The following KCNQ1OT1 variants were observed in gnomAD, a reference collection of about 807,000 sequenced individuals.
The protein encoded by KCNQ1OT1 is KCNQ1 opposite strand/antisense transcript 1.
At position 2,674,409 on chromosome 11, in the gene KCNQ1OT1, GCGCCCGCGCGCACA is replaced by G; in HGVS notation, n.25572_25585del. Reference sequence around the variant, plus strand: ...GGTGCATGCGTGCGTGTGTGTGTGCGCGCCCGCGCGCACACGACCACAGAGGCTGGGGGGAGGCA... The same window carrying G: ...GGTGCATGCGTGCGTGTGTGTGTGCGCGACCACAGAGGCTGGGGGGAGGCA... On this transcript the variant is annotated non_coding_transcript_exon_variant, in exon 1 of 1. Transcript: ENST00000597346. This position sits in a 1 kb window ranked among gnomAD's most constrained non-coding sequence, Gnocchi z 5.9. 1 of 307,970 alleles carries G rather than the reference GCGCCCGCGCGCACA, an allele frequency of 3.2e-6. No individual in the cohort carries two copies. Among genetic ancestry groups the G allele is most frequent in the East Asian group, 4.8e-5 (1 of 20,902 alleles). 19.1% of individuals were successfully genotyped at this position (307,970 alleles called of 1,614,324 possible). A position where few individuals can be genotyped will look rare whatever the true frequency, so the allele number is the denominator to read the frequency against.
At position 2,627,539 on chromosome 11, in the gene KCNQ1OT1, G is replaced by C; in HGVS notation, n.72456C>G. 1 of 398,338 alleles carries C rather than the reference G, an allele frequency of 2.5e-6. No individual in the cohort carries two copies. The highest frequency in any genetic ancestry group is 4.4e-6 in the Non-Finnish European group (1 of 226,022). The allele number at this position is 398,338 out of a possible 1,614,324, so 24.7% of individuals were successfully genotyped here. On this transcript the variant is annotated non_coding_transcript_exon_variant, in exon 1 of 1. Transcript: ENST00000597346. This position sits in a 1 kb window ranked among gnomAD's most constrained non-coding sequence, Gnocchi z 4.9. Reference sequence around the variant, plus strand: ...CTTTTTAGAATTCCATATGTAACTGGGATAGTGCAGTATTTGTCTTTCTGT... The same window carrying C: ...CTTTTTAGAATTCCATATGTAACTGCGATAGTGCAGTATTTGTCTTTCTGT...
rs891718553 is a variant in KCNQ1OT1, at chr11:2,659,734, A to G, written n.40261T>C. On this transcript the variant is annotated non_coding_transcript_exon_variant, in exon 1 of 1. Transcript: ENST00000597346. The surrounding 1 kb of genome is among the most constrained non-coding windows in gnomAD (Gnocchi z 4.3). ...CACCAGTAACATATGAGAGTTCTAC[A>G]TGTTCCACATCCTCAAGAGTGGTTG... The G allele has an allele frequency of 5.0e-6, 2 of 398,412 alleles. No homozygotes were observed. Among genetic ancestry groups the G allele is most frequent in the Non-Finnish European group, 8.8e-6 (2 of 226,024 alleles). The allele number at this position is 398,412 out of a possible 1,614,324, so 24.7% of individuals were successfully genotyped here.
exon 1 of KCNQ1OT1, chr11:2,665,691 GAGA>G (rs1322510044): frequency 2.5e-6 from 1 of 398,052 alleles, no homozygotes; most frequent in Non-Finnish European, 4.4e-6. Context: ...TGCCAGGAGG[GAGA>G]AGGGCATGTA....
chr11:2,659,475 G>T lies in KCNQ1OT1; in HGVS notation n.40520C>A. 1 of 398,536 alleles carries T rather than the reference G, an allele frequency of 2.5e-6. No homozygotes were observed. 24.7% of individuals were successfully genotyped at this position (398,536 alleles called of 1,614,324 possible). The stretch of plus-strand genomic sequence containing the variant: ...ATTGCTGGGTGGTATTCCATTGCAT[G>T]AATATATACATTTTGTTTATGCATT... On this transcript the variant is annotated non_coding_transcript_exon_variant, in exon 1 of 1. Coordinates refer to ENST00000597346, the Ensembl canonical transcript of KCNQ1OT1. This position sits in a 1 kb window ranked among gnomAD's most constrained non-coding sequence, Gnocchi z 4.3.
Position 2,621,820 on chromosome 11 carries a change from A to G in KCNQ1OT1, n.78175T>C. The G allele has an allele frequency of 2.5e-6, 1 of 398,302 alleles. No individual in the cohort carries two copies. The highest frequency in any genetic ancestry group is 1.3e-4 in the South Asian group (1 of 7,854). 24.7% of individuals were successfully genotyped at this position (398,302 alleles called of 1,614,324 possible). On this transcript the variant is annotated non_coding_transcript_exon_variant, in exon 1 of 1. Coordinates refer to ENST00000597346, the Ensembl canonical transcript of KCNQ1OT1. The surrounding 1 kb of genome is among the most constrained non-coding windows in gnomAD (Gnocchi z 5.7). ...CAAAAATCAATTCTTTGTTTCAAAA[A>G]TTGAAGTCTTAGTTTTACTGACTTT...
Position 2,627,079 on chromosome 11 carries a change from C to A in KCNQ1OT1, n.72916G>T, listed in dbSNP as rs1849273293. ...CATAGGAGGTGTTTTCCCTTTATGTCTACTTTAATTTCTTTCAGCATTGTT... is the reference window on the plus strand; with the variant it reads ...CATAGGAGGTGTTTTCCCTTTATGTATACTTTAATTTCTTTCAGCATTGTT... On this transcript the variant is annotated non_coding_transcript_exon_variant, in exon 1 of 1. Transcript: ENST00000597346. This position sits in a 1 kb window ranked among gnomAD's most constrained non-coding sequence, Gnocchi z 4.9. 2 of 398,450 alleles carry A rather than the reference C, an allele frequency of 5.0e-6. No homozygotes were observed. Among genetic ancestry groups the A allele is most frequent in the Non-Finnish European group, 8.8e-6 (2 of 226,020 alleles). The allele number at this position is 398,450 out of a possible 1,614,324, so 24.7% of individuals were successfully genotyped here.
At position 2,627,996 on chromosome 11, in the gene KCNQ1OT1, T is replaced by C; in HGVS notation, n.71999A>G. On this transcript the variant is annotated non_coding_transcript_exon_variant, in exon 1 of 1. Transcript: ENST00000597346. This position sits in a 1 kb window ranked among gnomAD's most constrained non-coding sequence, Gnocchi z 4.9. ...CAAACTCCTGTGTTCAAGCTATCCTTCACCTTGGCCACCCCCAAGTACTGG... is the reference window on the plus strand; with the variant it reads ...CAAACTCCTGTGTTCAAGCTATCCTCCACCTTGGCCACCCCCAAGTACTGG... The C allele has an allele frequency of 2.5e-6, 1 of 398,572 alleles. No individual in the cohort carries two copies. The allele number at this position is 398,572 out of a possible 1,614,324, so 24.7% of individuals were successfully genotyped here.
chr11:2,694,732 C>T (rs551277025), exon 1 of KCNQ1OT1: 2 of 398,628 alleles, frequency 5.0e-6, no homozygotes, highest in East Asian at 7.1e-5. Context: ...AGGCAGCCAA[C>T]AAATAAGTAG....
rs774503566 is a variant in KCNQ1OT1, at chr11:2,661,554, A to G, written n.38441T>C. On this transcript the variant is annotated non_coding_transcript_exon_variant, in exon 1 of 1. Coordinates refer to ENST00000597346, the Ensembl canonical transcript of KCNQ1OT1. This position sits in a 1 kb window ranked among gnomAD's most constrained non-coding sequence, Gnocchi z 5.9. ...TCCTGACCCACTACTCTGTCAATGT[A>G]TGAGTGTGACAATGTATGGTGGTGG... is the stretch of plus-strand genomic sequence containing the variant. The G allele has an allele frequency of 3.2e-5, 17 of 533,234 alleles. No homozygotes were observed. Among genetic ancestry groups the G allele is most frequent in the Non-Finnish European group, 5.3e-5 (16 of 301,246 alleles). The allele number at this position is 533,234 out of a possible 1,614,324, so 33.0% of individuals were successfully genotyped here. A position where few individuals can be genotyped will look rare whatever the true frequency, so the allele number is the denominator to read the frequency against.
At chr11:2,630,357 T>G (rs190724422) in exon 1 of KCNQ1OT1, 1 of 398,284 alleles carries the variant, frequency 2.5e-6, no homozygotes, top group Non-Finnish European at 4.4e-6. Flanking sequence ...TAAAAAAATA[T>G]CAGCCAGTTA....
chr11:2,661,443 C>T lies in KCNQ1OT1; in HGVS notation n.38552G>A, dbSNP rs117858286. 0.012 allele frequency: 5,068 copies of T among 438,706 alleles called. 146 individuals carry two copies. Among genetic ancestry groups the T allele is most frequent in the East Asian group, 0.076 (2,305 of 30,396 alleles). The allele number at this position is 438,706 out of a possible 1,614,324, so 27.2% of individuals were successfully genotyped here. A position where few individuals can be genotyped will look rare whatever the true frequency, so the allele number is the denominator to read the frequency against. Reference sequence around the variant, plus strand: ...GGGGTACAACTGGTTGATGTAGCATCGTGTTTTGAGGAAGGAGTTCTGTGG... The same window carrying T: ...GGGGTACAACTGGTTGATGTAGCATTGTGTTTTGAGGAAGGAGTTCTGTGG... On this transcript the variant is annotated non_coding_transcript_exon_variant, in exon 1 of 1. Coordinates refer to ENST00000597346, the Ensembl canonical transcript of KCNQ1OT1. The surrounding 1 kb of genome is among the most constrained non-coding windows in gnomAD (Gnocchi z 5.9).
exon 1 of KCNQ1OT1, chr11:2,697,077 C>T (rs906396702): frequency 1.5e-5 from 6 of 398,370 alleles, no homozygotes; most frequent in Non-Finnish European, 2.7e-5. Context: ...TAATAATACT[C>T]GACATTATTT....
exon 1 of KCNQ1OT1, chr11:2,632,197 A>AAG: frequency 2.5e-6 from 1 of 397,976 alleles, no homozygotes; most frequent in Non-Finnish European, 4.4e-6. Context: ...AAAAAAAAAA[A>AAG]AAAAAAGAAA....
exon 1 of KCNQ1OT1, chr11:2,622,014 A>C (rs1044346406): frequency 4.5e-5 from 18 of 398,246 alleles, no homozygotes; most frequent in Non-Finnish European, 7.5e-5. Context: ...TTATTGCTGT[A>C]AACTTCCCTC....
chr11:2,623,831 A>G lies in KCNQ1OT1; in HGVS notation n.76164T>C. On this transcript the variant is annotated non_coding_transcript_exon_variant, in exon 1 of 1. Transcript: ENST00000597346. This position sits in a 1 kb window ranked among gnomAD's most constrained non-coding sequence, Gnocchi z 5.2. ...GCATGGTAAGAATATGTTTAATTTT[A>G]TAAGAAACCACTGATTTCGATATAC... 2.5e-6 allele frequency: 1 copy of G among 398,614 alleles called. No homozygotes were observed. The highest frequency in any genetic ancestry group is 4.4e-6 in the Non-Finnish European group (1 of 226,054). The allele number at this position is 398,614 out of a possible 1,614,324, so 24.7% of individuals were successfully genotyped here.
chr11:2,634,607 C>A (rs1849424691), exon 1 of KCNQ1OT1: 1 of 152,206 alleles, frequency 6.6e-6, no homozygotes, highest in East Asian at 1.9e-4. Context: ...GGTTCCAAGT[C>A]TTTGCTATCG....
At position 2,613,382 on chromosome 11, in the gene KCNQ1OT1, T is replaced by C. The variant is rs1445077513; in HGVS notation, n.86613A>G. 2.5e-6 allele frequency: 1 copy of C among 398,466 alleles called. No homozygotes were observed. Among genetic ancestry groups the C allele is most frequent in the Non-Finnish European group, 4.4e-6 (1 of 226,062 alleles). 24.7% of individuals were successfully genotyped at this position (398,466 alleles called of 1,614,324 possible). Reference sequence around the variant, plus strand: ...AACATTAGGTTGCTGTGATGTGGGTTGCCTCCAATTATTTGCCACTGAAAT... The same window carrying C: ...AACATTAGGTTGCTGTGATGTGGGTCGCCTCCAATTATTTGCCACTGAAAT... On this transcript the variant is annotated non_coding_transcript_exon_variant, in exon 1 of 1. Coordinates refer to ENST00000597346, the Ensembl canonical transcript of KCNQ1OT1. This position sits in a 1 kb window ranked among gnomAD's most constrained non-coding sequence, Gnocchi z 4.8.
exon 1 of KCNQ1OT1, chr11:2,685,923 C>T (rs768162446): frequency 5.0e-6 from 2 of 398,770 alleles, no homozygotes; most frequent in Non-Finnish European, 8.8e-6. Context: ...TGACCAAGTT[C>T]TGGGCCCACT....
chr11:2,608,902 C>T lies in KCNQ1OT1; in HGVS notation n.91093G>A, dbSNP rs899815711. ...TCCCTCTCTGTCTTTCCTCCTCCCCCTCTTTCTTCCTCCCCTTCTTTTCTT... is the reference window on the plus strand; with the variant it reads ...TCCCTCTCTGTCTTTCCTCCTCCCCTTCTTTCTTCCTCCCCTTCTTTTCTT... On this transcript the variant is annotated non_coding_transcript_exon_variant, in exon 1 of 1. Transcript: ENST00000597346. The surrounding 1 kb of genome is among the most constrained non-coding windows in gnomAD (Gnocchi z 4.6). 2 of 398,368 alleles carry T rather than the reference C, an allele frequency of 5.0e-6. No homozygotes were observed. The highest frequency in any genetic ancestry group is 4.1e-5 in the African/African-American group (2 of 48,582). The allele number at this position is 398,368 out of a possible 1,614,324, so 24.7% of individuals were successfully genotyped here. A position where few individuals can be genotyped will look rare whatever the true frequency, so the allele number is the denominator to read the frequency against.
Sources: gnomAD v4.1 joint callset for allele counts on GRCh38, gnomAD v4.1.1 for gene constraint, Gnocchi (gnomAD v3.1) non-coding constraint, MANE v1.5 for transcripts, NCBI Gene and HGNC (gene_info 2026-07-23, HGNC 2026-07-21) for gene names.